The following ASCC3 variants were observed in gnomAD, a reference collection of about 807,000 sequenced individuals.
The protein encoded by ASCC3 is ASC-1 complex subunit P200.
A neutral mutation model predicts 256.3 loss-of-function variants in ASCC3; 158 were observed. That is an observed-to-expected ratio of 0.62 (90% CI 0.54 to 0.70). The LOEUF (loss-of-function observed/expected upper bound fraction) is 0.70. Ranked by LOEUF, ASCC3 falls within the 30% of genes least tolerant of loss-of-function variation. ASCC3 has a pLI of 0.00. For synonymous variants in ASCC3, 948 were observed against 883.4 expected (o/e 1.07, Z -1.30); for missense variants, 2,259 against 2,626.0 (o/e 0.86, Z 3.05).
intron 36 of ASCC3, among the ~76,000 whole-genome samples, chr6:100,545,486 T>C (rs1169742037): frequency 6.6e-6 from 1 of 152,188 alleles, no homozygotes; most frequent in African/African-American, 2.4e-5. Flanking sequence ...TAAATGGCAC[T>C]TCTGAGAAAT....
chr6:100,529,283 T>C (rs1774746804), intron 37 of ASCC3, among the ~76,000 whole-genome samples: 1 of 152,198 alleles, frequency 6.6e-6, no homozygotes, highest in Non-Finnish European at 1.5e-5. Flanking sequence ...CAATCTGATC[T>C]TTCTCTCATT....
chr6:100,598,493 T>C (rs80355031), intron 34 of ASCC3, among the ~76,000 whole-genome samples: 2,139 of 152,302 alleles, frequency 0.014, 39 homozygotes, highest in African/African-American at 0.049. Context: ...TCTTAAGATT[T>C]CATCTTTTGT....
At chr6:100,872,558 T>C (rs1210964224) in intron 1 of ASCC3, among the ~76,000 whole-genome samples, 1 of 151,994 alleles carries the variant, frequency 6.6e-6, no homozygotes, top group Non-Finnish European at 1.5e-5. Flanking sequence ...TTGTAAACTC[T>C]TGCTCCAGAA....
chr6:100,528,220 T>C (rs1300714107), intron 37 of ASCC3, among the ~76,000 whole-genome samples: 1 of 152,162 alleles, frequency 6.6e-6, no homozygotes, highest in Non-Finnish European at 1.5e-5. Flanking sequence ...CTGTGAATTA[T>C]AGGAAAAATA....
chr6:100,776,701 AC>A (rs1782208357), intron 8 of ASCC3, among the ~76,000 whole-genome samples: 1 of 152,108 alleles, frequency 6.6e-6, no homozygotes, highest in Non-Finnish European at 1.5e-5. Flanking sequence ...ACAAAAATAT[AC>A]AGTAAACATA....
intron 8 of ASCC3, among the ~76,000 whole-genome samples, chr6:100,771,122 A>G (rs1010427170): frequency 1.3e-5 from 2 of 152,142 alleles, no homozygotes; most frequent in Non-Finnish European, 2.9e-5. Flanking sequence ...CCAGAAATAA[A>G]TCCACACATA....
chr6:100,566,538 C>A (rs142520497), intron 36 of ASCC3, among the ~76,000 whole-genome samples: 1 of 152,168 alleles, frequency 6.6e-6, no homozygotes, highest in Non-Finnish European at 1.5e-5. Context: ...AAGGGTATTA[C>A]TTCAGTATCC....
chr6:100,692,004 G>A (rs566605412), intron 13 of ASCC3, among the ~76,000 whole-genome samples: 1 of 152,142 alleles, frequency 6.6e-6, no homozygotes, highest in Non-Finnish European at 1.5e-5. Context: ...CTGGCACATG[G>A]AAGTGATCTA....
At chr6:100,838,154 A>G (rs1771967265) in intron 4 of ASCC3, among the ~76,000 whole-genome samples, 1 of 152,122 alleles carries the variant, frequency 6.6e-6, no homozygotes. Flanking sequence ...TACTATGCAA[A>G]GAAAAACTAT....
chr6:100,831,885 AAAGTT>A (rs1478656292), intron 4 of ASCC3, among the ~76,000 whole-genome samples: 2 of 152,132 alleles, frequency 1.3e-5, no homozygotes, highest in African/African-American at 4.8e-5. Flanking sequence ...ACAAAACAAA[AAAGTT>A]AAAGAAGAAC....
intron 13 of ASCC3, among the ~76,000 whole-genome samples, chr6:100,683,366 T>C (rs186071302): frequency 2.7e-4 from 41 of 152,314 alleles, no homozygotes; most frequent in African/African-American, 9.6e-4. Flanking sequence ...ACTTTTCATT[T>C]TGCAAATCAT....
At chr6:100,658,066 T>A (rs1214512567) in intron 16 of ASCC3, among the ~76,000 whole-genome samples, 1 of 151,496 alleles carries the variant, frequency 6.6e-6, no homozygotes, top group Non-Finnish European at 1.5e-5. Flanking sequence ...AAATAGAGTA[T>A]GCTCCCTGGC....
intron 2 of ASCC3, among the ~76,000 whole-genome samples, chr6:100,865,462 G>C (rs1773432461): frequency 6.6e-6 from 1 of 152,090 alleles, no homozygotes; most frequent in South Asian, 2.1e-4. Context: ...TCAGGTTTAA[G>C]ATAGCAATAT....
At chr6:100,672,079 A>T (rs1776779145) in intron 14 of ASCC3, among the ~76,000 whole-genome samples, 1 of 152,036 alleles carries the variant, frequency 6.6e-6, no homozygotes, top group African/African-American at 2.4e-5. Flanking sequence ...CCTTCAGATC[A>T]GCTTAAATGT....
chr6:100,650,407 A>C (rs75329053), intron 20 of ASCC3, 131 bp downstream of exon 20: 19,398 of 898,974 alleles, frequency 0.022, 262 homozygotes, highest in African/African-American at 0.054. Flanking sequence ...ATTAGCAGAA[A>C]CAGTTCTAAG....
chr6:100,803,767 G>A (rs1770036820), intron 5 of ASCC3, among the ~76,000 whole-genome samples: 1 of 152,076 alleles, frequency 6.6e-6, no homozygotes, highest in Non-Finnish European at 1.5e-5. Flanking sequence ...AAATCTGTCA[G>A]AAATTTTAGA....
At chr6:100,634,324 C>T (rs941339969) in intron 25 of ASCC3, among the ~76,000 whole-genome samples, 3 of 152,206 alleles carry the variant, frequency 2.0e-5, no homozygotes, top group South Asian at 2.1e-4. Flanking sequence ...CTTCTACAGT[C>T]GTATACAACA....
intron 36 of ASCC3, among the ~76,000 whole-genome samples, chr6:100,584,081 G>T (rs1771487596): frequency 6.6e-6 from 1 of 151,546 alleles, no homozygotes. Flanking sequence ...GGGGTGGAGA[G>T]TTCTGTAGAT....
chr6:100,705,650 A>G (rs770354907), intron 13 of ASCC3, among the ~76,000 whole-genome samples: 14 of 151,934 alleles, frequency 9.2e-5, no homozygotes, highest in Non-Finnish European at 1.6e-4. Context: ...CTTTTTTTTA[A>G]CTGATTGTGG....
Sources: gnomAD v4.1 joint callset for allele counts (sites outside exome capture counted in the v4.1 genomes callset) on GRCh38, gnomAD v4.1.1 for gene constraint, MANE v1.5 for transcripts, NCBI Gene and HGNC (gene_info 2026-07-23, HGNC 2026-07-21) for gene names.